Variants in GPC5 observed in about 807,000 individuals in gnomAD.
GPC5 encodes the protein glypican-5.
A neutral mutation model predicts 53.9 loss-of-function variants in GPC5; 47 were observed. The observed-to-expected ratio is 0.87, with a 90% CI of 0.69 to 1.11. The LOEUF is 1.11. Among genes scored for constraint, GPC5 ranks in the 50% most tolerant of loss-of-function variants. The probability of loss-of-function intolerance (pLI) is 0.00; values close to 1 mark genes in which losing one functional copy is unlikely to be tolerated. For synonymous variants in GPC5, 286 were observed against 263.3 expected, an observed-to-expected ratio of 1.09 and a Z score of -0.84; for missense variants, 748 against 713.1, an observed-to-expected ratio of 1.05 and a Z score of -0.56.
chr13:92,600,147 G>A (rs1490207251), intron 7 of GPC5, among the ~76,000 whole-genome samples: 2 of 152,018 alleles, frequency 1.3e-5, no homozygotes, highest in East Asian at 3.9e-4. Flanking sequence ...AAATCCATGT[G>A]TTTTTCAAGT....
chr13:92,699,853 T>C (rs1887672534), intron 7 of GPC5, among the ~76,000 whole-genome samples: 1 of 152,206 alleles, frequency 6.6e-6, no homozygotes, highest in African/African-American at 2.4e-5. Flanking sequence ...TCCAATGATG[T>C]GGTCAACTTT....
At chr13:92,411,811 G>T (rs1384410974) in intron 7 of GPC5, among the ~76,000 whole-genome samples, 3 of 152,122 alleles carry the variant, frequency 2.0e-5, no homozygotes, top group Non-Finnish European at 4.4e-5. Flanking sequence ...TCAAATGTAG[G>T]TATCAAAATA....
chr13:91,818,346 A>C (rs2038432404), intron 5 of GPC5, among the ~76,000 whole-genome samples: 1 of 152,218 alleles, frequency 6.6e-6, no homozygotes, highest in African/African-American at 2.4e-5. Context: ...GCATTCACTG[A>C]TAGCAAATAA....
Position 91,847,880 on chromosome 13 carries a change from G to C in GPC5, c.1281-60057G>C, listed in dbSNP as rs535419405. Among the ~76,000 whole-genome samples, 435 of 152,184 alleles carry C rather than the reference G, an allele frequency of 2.9e-3. 3 individuals are homozygous for C. Among genetic ancestry groups the C allele is most frequent in the Non-Finnish European group, 4.0e-3 (275 of 68,004 alleles). On this transcript the variant is annotated intron_variant, in intron 5 of 7. Coordinates refer to ENST00000377067, the MANE Select transcript of GPC5 (RefSeq NM_004466.6). ...AGTGACCATAAATCTAATTTTTGAA[G>C]AATATTATTTATGGTCTTATAGTAG...
At chr13:92,509,928 A>G (rs1331336731) in intron 7 of GPC5, 1 of 152,144 alleles carries the variant, frequency 6.6e-6, no homozygotes, top group African/African-American at 2.4e-5. Flanking sequence ...TTAAACATGC[A>G]ATCACATTTT....
At chr13:91,601,297 T>C (rs1045239963) in intron 2 of GPC5, among the ~76,000 whole-genome samples, 1 of 152,192 alleles carries the variant, frequency 6.6e-6, no homozygotes, top group African/African-American at 2.4e-5. Flanking sequence ...CCTAATGAAA[T>C]TTATCCCATC....
chr13:92,697,433 C>G (rs1460704253), intron 7 of GPC5, among the ~76,000 whole-genome samples: 1 of 151,976 alleles, frequency 6.6e-6, no homozygotes, highest in Admixed American at 6.6e-5. Context: ...AAATTGTATT[C>G]CTAGGTATTT....
At chr13:91,838,396 C>T (rs1327554353) in intron 5 of GPC5, among the ~76,000 whole-genome samples, 1 of 151,954 alleles carries the variant, frequency 6.6e-6, no homozygotes, top group African/African-American at 2.4e-5. Flanking sequence ...TTCATAACAC[C>T]CCTACAGAAG....
chr13:92,751,303 T>TAAAAAAAA (rs71123435), intron 7 of GPC5, among the ~76,000 whole-genome samples: 16 of 38,772 alleles, frequency 4.1e-4, no homozygotes, highest in Admixed American at 7.4e-4. Flanking sequence ...CAGAAACATT[T>TAAAAAAAA]AAAAAAAAAA....
intron 6 of GPC5, among the ~76,000 whole-genome samples, chr13:92,076,564 A>ATTTTT (rs35009219): frequency 6.7e-6 from 1 of 148,158 alleles, no homozygotes. Flanking sequence ...CTAAGCTCAG[A>ATTTTT]TTTTTTTTTT....
intron 7 of GPC5, among the ~76,000 whole-genome samples, chr13:92,268,354 A>G (rs2042816623): frequency 7.0e-6 from 1 of 142,652 alleles, no homozygotes; most frequent in African/African-American, 2.7e-5. Flanking sequence ...ATCTCTTTCT[A>G]TACTTTTTTT....
intron 7 of GPC5, among the ~76,000 whole-genome samples, chr13:92,518,269 A>G (rs891642463): frequency 6.6e-6 from 1 of 152,190 alleles, no homozygotes; most frequent in Non-Finnish European, 1.5e-5. Context: ...TTCAGGAGAT[A>G]CGGAGGATGC....
In GPC5 at chr13:91,417,026, C is replaced by G. The variant is rs947837520; in HGVS notation, c.163+17817C>G. Reference sequence around the variant, plus strand: ...TTACTTAACTCCAATTACAGAGGCACTTCTTGAAAAAGTGGATGGAACAGA... The same window carrying G: ...TTACTTAACTCCAATTACAGAGGCAGTTCTTGAAAAAGTGGATGGAACAGA... On this transcript the variant is annotated intron_variant, in intron 1 of 7. Coordinates refer to ENST00000377067, the MANE Select transcript of GPC5 (RefSeq NM_004466.6). Among the ~76,000 whole-genome samples, 3 of 152,192 alleles carry G rather than the reference C, an allele frequency of 2.0e-5. No individual in the cohort carries two copies. In the East Asian group the frequency reaches 5.8e-4, roughly 29 times the overall value.
intron 7 of GPC5, among the ~76,000 whole-genome samples, chr13:92,474,379 A>C (rs1413903257): frequency 6.6e-6 from 1 of 152,038 alleles, no homozygotes; most frequent in African/African-American, 2.4e-5. Flanking sequence ...TTTAAAATGA[A>C]AACCAAGTAA....
intron 7 of GPC5, among the ~76,000 whole-genome samples, chr13:92,815,615 C>T (rs913354818): frequency 1.3e-5 from 2 of 151,340 alleles, no homozygotes; most frequent in African/African-American, 4.9e-5. Flanking sequence ...TTGTATGTAT[C>T]GAAAAATGTT....
intron 7 of GPC5, among the ~76,000 whole-genome samples, chr13:92,517,054 C>T (rs1402614535): frequency 6.6e-6 from 1 of 152,082 alleles, no homozygotes; most frequent in Non-Finnish European, 1.5e-5. Context: ...CTCGGAGGGT[C>T]CCACACCCAC....
intron 7 of GPC5, among the ~76,000 whole-genome samples, chr13:92,844,463 G>A (rs922666709): frequency 3.3e-5 from 5 of 152,050 alleles, no homozygotes; most frequent in Admixed American, 6.6e-5. Flanking sequence ...GACTTAACCG[G>A]AGTAGAAACT....
intron 6 of GPC5, among the ~76,000 whole-genome samples, chr13:91,931,060 A>G (rs764612329): frequency 6.6e-6 from 1 of 152,026 alleles, no homozygotes; most frequent in East Asian, 1.9e-4. Context: ...TTTCATCCTT[A>G]TTGCCATCAA....
chr13:92,755,601 A>T (rs1406781283), intron 7 of GPC5, among the ~76,000 whole-genome samples: 3 of 148,112 alleles, frequency 2.0e-5, no homozygotes, highest in African/African-American at 7.3e-5. Flanking sequence ...ATAAAGAAAA[A>T]AAGAGAGAAG....
Sources: allele counts gnomAD v4.1 joint callset (sites outside exome capture counted in the v4.1 genomes callset), GRCh38; gene constraint gnomAD v4.1.1; transcripts MANE v1.5; gene names NCBI Gene and HGNC (gene_info 2026-07-23, HGNC 2026-07-21).